The following SOD2 variants were observed in gnomAD, a reference collection of about 807,000 sequenced individuals.
SOD2 encodes superoxide dismutase [Mn], mitochondrial.
A neutral mutation model predicts 27.0 loss-of-function variants in SOD2; 11 were observed. The observed-to-expected ratio is 0.41, with a 90% confidence interval of 0.26 to 0.67. SOD2 has a LOEUF of 0.67. Among genes scored for constraint, SOD2 ranks in the 30% least tolerant of loss-of-function variants. The pLI, the probability that SOD2 is intolerant of heterozygous loss-of-function variation, is 0.34. For missense variants in SOD2, 250 were observed against 274.5 expected, an observed-to-expected ratio of 0.91 and a Z score of 0.63; for synonymous variants, 105 against 103.0, an observed-to-expected ratio of 1.02 and a Z score of -0.12.
At chr6:159,755,202 A>G in intron 1 of SOD2, 1 of 1,614,216 alleles carries the variant, frequency 6.2e-7, no homozygotes. Context: ...GAACCTGTAG[A>G]ACAGTCAGAG....
chr6:159,727,856 T>A (rs927084361), upstream of SOD2, among the ~76,000 whole-genome samples: 1 of 152,198 alleles, frequency 6.6e-6, no homozygotes, highest in Admixed American at 6.5e-5. Context: ...CGCTCTACCT[T>A]CCCGCCTGCG....
chr6:159,727,983 G>A (rs1365434138), upstream of SOD2, among the ~76,000 whole-genome samples: 4 of 152,272 alleles, frequency 2.6e-5, no homozygotes, highest in African/African-American at 7.2e-5. Flanking sequence ...GCCGGAGGAT[G>A]CCCTCCCCGG....
chr6:159,689,960 A>AG (rs1283043148), intron 2 of SOD2, among the ~76,000 whole-genome samples: 3 of 150,252 alleles, frequency 2.0e-5, no homozygotes, highest in Admixed American at 6.6e-5. Context: ...ACTCCGTCAC[A>AG]GAAAAAAAAA....
intron 1 of SOD2, among the ~76,000 whole-genome samples, chr6:159,734,815 T>C (rs950630318): frequency 3.3e-5 from 5 of 152,216 alleles, no homozygotes; most frequent in Non-Finnish European, 7.4e-5. Context: ...AAAGATTTTA[T>C]GTTTGTCAGG....
chr6:159,674,331 A>C lies in SOD2; in HGVS notation c.*8162T>G, dbSNP rs1052444826. 2 of 152,274 alleles carry C rather than the reference A, an allele frequency of 1.3e-5. No homozygotes were observed. Among genetic ancestry groups the C allele is most frequent in the African/African-American group, 4.8e-5 (2 of 41,560 alleles). The allele number at this position is 152,274 out of a possible 1,614,324, so 9.4% of individuals were successfully genotyped here. ...TAGACCAATATCCCTGATGAAAATC[A>C]ATGCAAAAATCCTCAATAAAATACT... is the stretch of plus-strand genomic sequence containing the variant. On this transcript the variant is annotated 3_prime_UTR_variant, in exon 5 of 5. Coordinates refer to ENST00000538183, the MANE Select transcript of SOD2 (RefSeq NM_000636.4).
At chr6:159,713,455 A>G (rs1199566469) in intron 1 of SOD2, 1 of 651,428 alleles carries the variant, frequency 1.5e-6, no homozygotes, top group African/African-American at 1.8e-5. Flanking sequence ...GAAGATTTCA[A>G]TGTACCTGTG....
chr6:159,751,383 G>C (rs1322198489), intron 1 of SOD2, among the ~76,000 whole-genome samples: 1 of 152,178 alleles, frequency 6.6e-6, no homozygotes, highest in Non-Finnish European at 1.5e-5. Context: ...ATAGTAAGAA[G>C]GTTAGTTGTA....
intron 1 of SOD2, chr6:159,725,573 C>T: frequency 6.7e-6 from 1 of 149,942 alleles, no homozygotes. Flanking sequence ...AATTTGCTTT[C>T]AACCTTAGGA....
At position 159,717,502 on chromosome 6, in the gene SOD2, G is replaced by C. The variant is rs560652607; in HGVS notation, c.-116+9627C>G. Among the ~76,000 whole-genome samples the C allele has an allele frequency of 2.6e-5, 4 of 152,290 alleles. No individual in the cohort carries two copies. In the South Asian group the frequency reaches 8.3e-4, roughly 32 times the overall value. Reference sequence around the variant, plus strand: ...TTTCCATACATGTATACAATGTGTAGTGATCAAATCAGGGTAATTGGCACA... The same window carrying C: ...TTTCCATACATGTATACAATGTGTACTGATCAAATCAGGGTAATTGGCACA... On this transcript the variant is annotated intron_variant, in intron 1 of 2. Coordinates refer to the SOD2 transcript ENST00000401980.
chr6:159,700,652 C>CAAA (rs11294344), intron 1 of SOD2, among the ~76,000 whole-genome samples: 21 of 122,188 alleles, frequency 1.7e-4, no homozygotes, highest in Non-Finnish European at 2.1e-4. Flanking sequence ...GACTCTGTCT[C>CAAA]AAAAAAAAAA....
At chr6:159,723,573 T>C (rs1778081554) in intron 1 of SOD2, among the ~76,000 whole-genome samples, 2 of 152,218 alleles carry the variant, frequency 1.3e-5, no homozygotes, top group Non-Finnish European at 2.9e-5. Context: ...AAGATCTCAG[T>C]GTCAGATGTG....
chr6:159,688,804 C>G (rs925282107), intron 2 of SOD2, among the ~76,000 whole-genome samples: 1 of 152,164 alleles, frequency 6.6e-6, no homozygotes, highest in African/African-American at 2.4e-5. Flanking sequence ...TCCCTTCACC[C>G]CACATCCAAT....
Position 159,682,641 on chromosome 6 carries a change from G to A in SOD2, c.524-3C>T, listed in dbSNP as rs1025135873. The A allele has an allele frequency of 6.2e-7, 1 of 1,601,554 alleles. No individual in the cohort carries two copies. Among genetic ancestry groups the A allele is most frequent in the African/African-American group, 1.3e-5 (1 of 74,258 alleles). On this transcript the variant is annotated splice_region_variant and splice_polypyrimidine_tract_variant and intron_variant, in intron 4 of 4. Coordinates refer to ENST00000538183, the MANE Select transcript of SOD2 (RefSeq NM_000636.4). Reference sequence around the variant, plus strand: ...AATCCCCAGCAGTGGAATAAGGCCTGTTAGAAAGAAGGGGAAAACAAACCA... The same window carrying A: ...AATCCCCAGCAGTGGAATAAGGCCTATTAGAAAGAAGGGGAAAACAAACCA...
chr6:159,690,617 AAC>A (rs754133033), intron 2 of SOD2, among the ~76,000 whole-genome samples: 1 of 60,748 alleles, frequency 1.6e-5, no homozygotes, highest in Non-Finnish European at 4.0e-5. Context: ...TAGGTTTACA[AAC>A]AGTTTTTTAT....
intron 1 of SOD2, among the ~76,000 whole-genome samples, chr6:159,740,912 C>T (rs1004672169): frequency 6.6e-6 from 1 of 151,912 alleles, no homozygotes; most frequent in Non-Finnish European, 1.5e-5. Context: ...CTGTGTTGGC[C>T]AGGATGGTCT....
chr6:159,721,021 AT>A (rs140558738), intron 1 of SOD2, among the ~76,000 whole-genome samples: 44,861 of 136,660 alleles, frequency 0.33, 6,838 homozygotes, highest in East Asian at 0.44. Flanking sequence ...GCACCCGACT[AT>A]TTTTTTTTTG....
rs576677661 is a variant in SOD2 at position 159,757,642 on chromosome 6, A to G, written c.-336+3395T>C. 7.2e-5 allele frequency among the ~76,000 whole-genome samples: 11 copies of G among 152,054 alleles called. No homozygotes were observed. In the South Asian group the frequency reaches 1.7e-3, roughly 23 times the overall value. ...TGGCCAGGCTGGTCTCGAACTCCTG[A>G]CCTTGTGATCCACCCACCTCGGCCT... On this transcript the variant is annotated intron_variant, in intron 1 of 7. Transcript: ENST00000546087.
upstream of SOD2, chr6:159,745,237 T>G (rs1415226231): frequency 6.6e-6 from 1 of 152,236 alleles, no homozygotes; most frequent in South Asian, 2.1e-4. Flanking sequence ...GGATTCCTAC[T>G]CTTGACATCA....
chr6:159,731,740 G>T (rs1195251046), upstream of SOD2, among the ~76,000 whole-genome samples: 1 of 152,148 alleles, frequency 6.6e-6, no homozygotes, highest in Non-Finnish European at 1.5e-5. Flanking sequence ...CAGTATTTGG[G>T]CCCTGGTTGT....
Sources: allele counts gnomAD v4.1 joint callset (sites outside exome capture counted in the v4.1 genomes callset), GRCh38; gene constraint gnomAD v4.1.1; transcripts MANE v1.5; gene names NCBI Gene and HGNC (gene_info 2026-07-23, HGNC 2026-07-21).